The following XKR6 variants were observed in gnomAD, a reference collection of about 807,000 sequenced individuals.
XKR6 encodes XK related 6.
A neutral mutation model predicts 56.7 loss-of-function variants in XKR6; 22 were observed. That is an observed-to-expected ratio of 0.39 (90% confidence interval 0.28 to 0.55). XKR6 has a LOEUF of 0.55. Ranked by LOEUF, XKR6 falls within the 20% of genes least tolerant of loss-of-function variation. The pLI, the probability that XKR6 is intolerant of heterozygous loss-of-function variation, is 0.66. For synonymous variants in XKR6, 524 were observed against 387.8 expected (o/e 1.35, Z -4.13); for missense variants, 852 against 889.0 (o/e 0.96, Z 0.53).
At chr8:11,135,855 A>C (rs1168027653) in intron 1 of XKR6, among the ~76,000 whole-genome samples, 3 of 152,148 alleles carry the variant, frequency 2.0e-5, no homozygotes, top group African/African-American at 7.2e-5. Context: ...AAACAAGATA[A>C]AAATACAGAA....
At chr8:11,147,738 T>C (rs796168691) in intron 1 of XKR6, among the ~76,000 whole-genome samples, 5 of 150,676 alleles carry the variant, frequency 3.3e-5, no homozygotes, top group Admixed American at 6.6e-5. Flanking sequence ...GAGAAGCAAA[T>C]TAAGGAGATG....
chr8:11,171,532 A>G (rs1195669121), intron 1 of XKR6, among the ~76,000 whole-genome samples: 3 of 152,120 alleles, frequency 2.0e-5, no homozygotes, highest in African/African-American at 7.2e-5. Flanking sequence ...TAGGGAGTTA[A>G]TTCTTACTCT....
At chr8:10,959,102 C>A (rs903344698) in intron 1 of XKR6, among the ~76,000 whole-genome samples, 2 of 152,266 alleles carry the variant, frequency 1.3e-5, no homozygotes, top group East Asian at 3.9e-4. Flanking sequence ...GGTGTTGGCT[C>A]GCTTTGGGGG....
At chr8:11,040,579 A>T (rs1019321414) in intron 1 of XKR6, among the ~76,000 whole-genome samples, 1 of 152,042 alleles carries the variant, frequency 6.6e-6, no homozygotes, top group Non-Finnish European at 1.5e-5. Context: ...CAAACAACAG[A>T]AATTCATTTC....
chr8:11,167,969 C>T (rs1802172087), intron 1 of XKR6, among the ~76,000 whole-genome samples: 1 of 149,172 alleles, frequency 6.7e-6, no homozygotes, highest in Non-Finnish European at 1.5e-5. Context: ...ACTTCAGTGA[C>T]CACACAAGAC....
chr8:10,996,107 A>C (rs1283584063), intron 1 of XKR6, among the ~76,000 whole-genome samples: 1 of 152,246 alleles, frequency 6.6e-6, no homozygotes, highest in Non-Finnish European at 1.5e-5. Flanking sequence ...AAAGACAGCA[A>C]TGCTTATAAA....
At chr8:10,978,664 C>G (rs1454708383) in intron 1 of XKR6, among the ~76,000 whole-genome samples, 4 of 152,230 alleles carry the variant, frequency 2.6e-5, no homozygotes, top group Non-Finnish European at 5.9e-5. Context: ...CTTCCTCCAG[C>G]TTTGCTTGAC....
At position 11,193,101 on chromosome 8, in the gene XKR6, C is replaced by T. The variant is rs186965803; in HGVS notation, c.764+7475G>A. The stretch of plus-strand genomic sequence containing the variant: ...GGCAAACCGTAATTATCAACCCTAC[C>T]TTTCCTCCAAGAGGGTGGTGAAGAA... On this transcript the variant is annotated intron_variant, in intron 1 of 2. Coordinates refer to ENST00000416569, the MANE Select transcript of XKR6 (RefSeq NM_173683.4). Among the ~76,000 whole-genome samples, 7 of 152,308 alleles carry T rather than the reference C, an allele frequency of 4.6e-5. 1 individual carries two copies. The highest frequency in any genetic ancestry group is 1.7e-4 in the African/African-American group (7 of 41,568).
intron 1 of XKR6, among the ~76,000 whole-genome samples, chr8:11,167,278 C>A (rs1220867804): frequency 6.6e-6 from 1 of 152,228 alleles, no homozygotes. Context: ...AGCTTTACGG[C>A]ATTCTTATTT....
intron 1 of XKR6, among the ~76,000 whole-genome samples, chr8:11,133,083 A>C (rs1291730179): frequency 6.6e-6 from 1 of 152,184 alleles, no homozygotes; most frequent in African/African-American, 2.4e-5. Flanking sequence ...TGTACTGCAA[A>C]GCAAATATAT....
intron 1 of XKR6, among the ~76,000 whole-genome samples, chr8:11,012,157 A>C (rs1385865652): frequency 6.6e-6 from 1 of 152,156 alleles, no homozygotes; most frequent in Non-Finnish European, 1.5e-5. Context: ...GCACTGCAGA[A>C]GCTACCACTC....
At chr8:11,026,361 C>T (rs1798862764) in intron 1 of XKR6, among the ~76,000 whole-genome samples, 1 of 151,314 alleles carries the variant, frequency 6.6e-6, no homozygotes, top group Non-Finnish European at 1.5e-5. Context: ...GCCTACTACA[C>T]ACCTAAATGG....
chr8:10,999,723 C>G (rs1442805990), intron 1 of XKR6, among the ~76,000 whole-genome samples: 2 of 152,114 alleles, frequency 1.3e-5, no homozygotes, highest in African/African-American at 4.8e-5. Context: ...TGTGACCAAA[C>G]AAGGAGGTAG....
chr8:10,966,693 C>T (rs1402318348), intron 1 of XKR6, among the ~76,000 whole-genome samples: 4 of 151,986 alleles, frequency 2.6e-5, no homozygotes, highest in Non-Finnish European at 5.9e-5. Flanking sequence ...TAAATAAATA[C>T]ATAAATAAAA....
chr8:11,043,940 A>AT (rs1157969144), intron 1 of XKR6, among the ~76,000 whole-genome samples: 1 of 152,212 alleles, frequency 6.6e-6, no homozygotes, highest in Non-Finnish European at 1.5e-5. Context: ...ACACTTAAAG[A>AT]ATCAACTAAG....
intron 1 of XKR6, among the ~76,000 whole-genome samples, chr8:10,931,401 A>AT (rs911567464): frequency 5.9e-5 from 9 of 151,848 alleles, no homozygotes; most frequent in South Asian, 4.2e-4. Flanking sequence ...CCCAAGTGGA[A>AT]TTTTTTTTTA....
At chr8:11,023,666 T>G (rs1322099815) in intron 1 of XKR6, among the ~76,000 whole-genome samples, 1 of 152,216 alleles carries the variant, frequency 6.6e-6, no homozygotes, top group African/African-American at 2.4e-5. Flanking sequence ...CCCCTTTATT[T>G]AGGGTTGAGG....
At chr8:10,909,831 A>T (rs559909770) in intron 2 of XKR6, among the ~76,000 whole-genome samples, 1 of 152,282 alleles carries the variant, frequency 6.6e-6, no homozygotes, top group East Asian at 1.9e-4. Context: ...ATGTTATTTC[A>T]TTGAATTTAA....
rs570746128 is a variant in XKR6 at position 10,932,559 on chromosome 8, A to G, written c.765-7729T>C. 5.3e-3 allele frequency among the ~76,000 whole-genome samples: 677 copies of G among 128,800 alleles called. 8 individuals carry two copies. Among genetic ancestry groups the G allele is most frequent in the Non-Finnish European group, 8.1e-3 (491 of 60,660 alleles). The allele number at this position is 128,800 out of a possible 152,430, so 84.5% of individuals were successfully genotyped here. On this transcript the variant is annotated intron_variant, in intron 1 of 2. Transcript: ENST00000416569. The stretch of plus-strand genomic sequence containing the variant: ...CATCTAGCCTTAGGTATATCTCCCA[A>G]TGCTATCCCTCCCCCCTCCCCCCAC...
Sources: allele counts gnomAD v4.1 joint callset (sites outside exome capture counted in the v4.1 genomes callset), GRCh38; gene constraint gnomAD v4.1.1; transcripts MANE v1.5; gene names NCBI Gene and HGNC (gene_info 2026-07-23, HGNC 2026-07-21).